TRIM33: variants seen among roughly 807,000 people sequenced by gnomAD.
TRIM33 encodes the protein E3 ubiquitin-protein ligase TRIM33.
In TRIM33, 20 loss-of-function variants were observed where a neutral mutation model predicts 125.4. That is an observed-to-expected ratio of 0.16 (90% CI 0.11 to 0.23). The LOEUF is 0.23. TRIM33 is among the 10% of genes least tolerant of loss of function. TRIM33 has a pLI of 1.00. For missense variants in TRIM33, 920 were observed against 1,411.4 expected, an observed-to-expected ratio of 0.65 and a Z score of 5.58; for synonymous variants, 564 against 513.9, an observed-to-expected ratio of 1.10 and a Z score of -1.32.
Position 114,412,004 on chromosome 1 carries a change from A to T in TRIM33, c.2062-1688T>A, listed in dbSNP as rs550220502. On this transcript the variant is annotated intron_variant, in intron 11 of 19. Coordinates refer to ENST00000358465, the MANE Select transcript of TRIM33 (RefSeq NM_015906.4). ...AATGAGCAAAGATATTTCACAAAAGACAAAGATAATTTACAGAAGAAATAA... is the reference window on the plus strand; with the variant it reads ...AATGAGCAAAGATATTTCACAAAAGTCAAAGATAATTTACAGAAGAAATAA... 5.3e-5 allele frequency among the ~76,000 whole-genome samples: 8 copies of T among 152,360 alleles called. No individual in the cohort carries two copies. In the South Asian group the frequency reaches 1.4e-3, roughly 28 times the overall value.
chr1:114,484,672 G>A (rs1651564533), intron 1 of TRIM33, among the ~76,000 whole-genome samples: 1 of 152,114 alleles, frequency 6.6e-6, no homozygotes, highest in Admixed American at 6.5e-5. Context: ...AAACCAGCCT[G>A]GGCAACACAG....
intron 2 of TRIM33, 64 bp from the exon 3 acceptor site, chr1:114,463,620 A>C (rs1452141507): frequency 3.7e-6 from 4 of 1,081,230 alleles, no homozygotes; most frequent in East Asian, 2.4e-5. Context: ...AAAAAAAAAA[A>C]AAACTTGTTC....
rs66490349 is a variant in TRIM33 at position 114,397,589 on chromosome 1, G to GTTTTTTTTTTTTTTTTTTT, written c.*58_*59insAAAAAAAAAAAAAAAAAAA. On this transcript the variant is annotated 3_prime_UTR_variant, in exon 20 of 20. Transcript: ENST00000358465. ...CTTAAAAGTTTTCTGGGTTTTTTGT[G>GTTTTTTTTTTTTTTTTTTT]TTTTTTTTTTTTTTTTCGTTTTTTT... 2.8e-5 allele frequency: 18 copies of GTTTTTTTTTTTTTTTTTTT among 640,652 alleles called. No homozygotes were observed. The highest frequency in any genetic ancestry group is 1.5e-4 in the East Asian group (4 of 25,900). 39.7% of individuals were successfully genotyped at this position (640,652 alleles called of 1,614,324 possible). A position where few individuals can be genotyped will look rare whatever the true frequency, so the allele number is the denominator to read the frequency against.
chr1:114,498,385 C>T (rs1248423563), intron 1 of TRIM33, among the ~76,000 whole-genome samples: 1 of 152,086 alleles, frequency 6.6e-6, no homozygotes, highest in Non-Finnish European at 1.5e-5. Context: ...CGGTGGCTCA[C>T]GCCTGTAATC....
intron 4 of TRIM33, among the ~76,000 whole-genome samples, chr1:114,438,316 T>C (rs1648433858): frequency 6.6e-6 from 1 of 152,228 alleles, no homozygotes; most frequent in Non-Finnish European, 1.5e-5. Flanking sequence ...CAGTTTCATT[T>C]TTCTTCAGTT....
intron 4 of TRIM33, among the ~76,000 whole-genome samples, chr1:114,454,670 C>T (rs1291248576): frequency 7.6e-6 from 1 of 132,196 alleles, no homozygotes; most frequent in African/African-American, 3.0e-5. Context: ...CACAAGACTC[C>T]TCTAAAAAAA....
intron 1 of TRIM33, among the ~76,000 whole-genome samples, chr1:114,505,988 T>C (rs887648350): frequency 1.8e-4 from 27 of 152,106 alleles, no homozygotes; most frequent in African/African-American, 5.6e-4. Flanking sequence ...TAAAAGACAA[T>C]AGAATCATAT....
chr1:114,406,880 A>G, intron 14 of TRIM33, 61 bp downstream of exon 14: 1 of 1,526,616 alleles, frequency 6.6e-7, no homozygotes, highest in Admixed American at 1.8e-5. Context: ...ATATACTCAG[A>G]GCTGAAAGAA....
At chr1:114,507,816 A>G (rs1653086107) in intron 1 of TRIM33, among the ~76,000 whole-genome samples, 1 of 152,114 alleles carries the variant, frequency 6.6e-6, no homozygotes, top group African/African-American at 2.4e-5. Context: ...TTTCTAGACT[A>G]TCTAAAAACA....
chr1:114,393,549 A>AT lies in TRIM33; in HGVS notation c.*4098dup. 1 of 202,670 alleles carries AT rather than the reference A, an allele frequency of 4.9e-6. No homozygotes were observed. The highest frequency in any genetic ancestry group is 1.0e-5 in the Non-Finnish European group (1 of 98,346). 12.6% of individuals were successfully genotyped at this position (202,670 alleles called of 1,614,324 possible). ...ATGACAAATATATCCAAATTAACTT[A>AT]TTTTTGAAGATAGTTTTGTTTCTTC... is the stretch of plus-strand genomic sequence containing the variant. On this transcript the variant is annotated 3_prime_UTR_variant, in exon 20 of 20. Transcript: ENST00000358465.
chr1:114,460,920 T>C (rs1241291096), intron 4 of TRIM33, among the ~76,000 whole-genome samples: 3 of 152,118 alleles, frequency 2.0e-5, no homozygotes, highest in Non-Finnish European at 1.5e-5. Flanking sequence ...CTGTAATTTG[T>C]AATAAATTGG....
intron 1 of TRIM33, among the ~76,000 whole-genome samples, chr1:114,491,078 A>T (rs1652036286): frequency 6.6e-6 from 1 of 152,208 alleles, no homozygotes; most frequent in Non-Finnish European, 1.5e-5. Context: ...AAAATGCTCT[A>T]AAATTGATTA....
At chr1:114,468,745 A>G in intron 1 of TRIM33, 1 of 401,336 alleles carries the variant, frequency 2.5e-6, no homozygotes, top group South Asian at 2.0e-5. Flanking sequence ...GAGAAAGACA[A>G]AGTTCTAGAA....
At chr1:114,484,690 C>T (rs926388744) in intron 1 of TRIM33, among the ~76,000 whole-genome samples, 2 of 152,138 alleles carry the variant, frequency 1.3e-5, no homozygotes, top group African/African-American at 2.4e-5. Flanking sequence ...CAGTGAAACC[C>T]TGTCTCTACT....
chr1:114,487,693 C>G (rs997465571), intron 1 of TRIM33, among the ~76,000 whole-genome samples: 8 of 149,892 alleles, frequency 5.3e-5, no homozygotes, highest in Admixed American at 1.3e-4. Context: ...GTCAGGAGAT[C>G]GAGACCATCC....
chr1:114,481,454 G>A (rs184072377), intron 1 of TRIM33, among the ~76,000 whole-genome samples: 41 of 151,564 alleles, frequency 2.7e-4, no homozygotes, highest in African/African-American at 4.4e-4. Context: ...AGTTGGGTGC[G>A]GTGGCACACG....
At chr1:114,457,586 GA>G (rs772868686) in intron 4 of TRIM33, among the ~76,000 whole-genome samples, 6 of 152,162 alleles carry the variant, frequency 3.9e-5, no homozygotes, top group Non-Finnish European at 8.8e-5. Flanking sequence ...TTACAACCAG[GA>G]GAATGCAAAG....
chr1:114,466,711 G>C (rs1305714413), intron 1 of TRIM33, among the ~76,000 whole-genome samples: 4 of 152,186 alleles, frequency 2.6e-5, no homozygotes, highest in African/African-American at 9.7e-5. Flanking sequence ...GCATGGGTCT[G>C]CTTTCTCTTG....
intron 1 of TRIM33, among the ~76,000 whole-genome samples, chr1:114,470,842 C>T (rs1650595834): frequency 6.6e-6 from 1 of 152,168 alleles, no homozygotes; most frequent in African/African-American, 2.4e-5. Flanking sequence ...GCTCTATGGC[C>T]CAGGCTGGAG....
Sources: allele counts gnomAD v4.1 joint callset (sites outside exome capture counted in the v4.1 genomes callset), GRCh38; gene constraint gnomAD v4.1.1; transcripts MANE v1.5; gene names NCBI Gene and HGNC (gene_info 2026-07-23, HGNC 2026-07-21).